Variants in ADGRB2 observed in about 807,000 individuals in gnomAD.
The protein encoded by ADGRB2 is brain-specific angiogenesis inhibitor 2.
ADGRB2 carries 47 observed loss-of-function variants against 178.7 expected under a neutral mutation model. The ratio of observed to expected loss-of-function variants is 0.26; its 90% confidence interval spans 0.21 to 0.34. ADGRB2 has a LOEUF of 0.34. Among genes scored for constraint, ADGRB2 ranks in the 10% least tolerant of loss-of-function variants. ADGRB2 has a pLI of 1.00. For synonymous variants in ADGRB2, 870 were observed against 912.4 expected (o/e 0.95, Z 0.84); for missense variants, 1,584 against 2,180.8 (o/e 0.73, Z 5.45).
In ADGRB2 at chr1:31,740,890, C is replaced by CGT; in HGVS notation, c.1795-350_1795-349insAC. Among the ~76,000 whole-genome samples the CGT allele has an allele frequency of 1.2e-5, 1 of 81,034 alleles. No individual in the cohort carries two copies. The highest frequency in any genetic ancestry group is 2.8e-5 in the Non-Finnish European group (1 of 35,636). 53.2% of individuals were successfully genotyped at this position (81,034 alleles called of 152,430 possible). A position where few individuals can be genotyped will look rare whatever the true frequency, so the allele number is the denominator to read the frequency against. ...AGTGTAATGAGCATGTGTGTGGGCG[C>CGT]GCGCGCACACACACACACACACACA... On this transcript the variant is annotated intron_variant, in intron 11 of 32. Transcript: ENST00000373658. This position sits in a 1 kb window ranked among gnomAD's most constrained non-coding sequence, Gnocchi z 5.9.
rs1275958756 is a variant in ADGRB2, at chr1:31,735,321, C to T, written c.3354-40G>A. 2.8e-6 allele frequency: 4 copies of T among 1,432,544 alleles called. No individual in the cohort carries two copies. The African/African-American group carries it at 4.2e-5, about 15-fold the overall frequency. The allele number at this position is 1,432,544 out of a possible 1,614,324, so 88.7% of individuals were successfully genotyped here. ...AGACATGGGAGAAGGAGGGGAAACA[C>T]ATGGGAAGCCGGGAGATGGGGCAGA... On this transcript the variant is annotated intron_variant, in intron 24 of 32. Transcript: ENST00000373658. This position sits in a 1 kb window ranked among gnomAD's most constrained non-coding sequence, Gnocchi z 6.0.
intron 4 of ADGRB2, among the ~76,000 whole-genome samples, chr1:31,752,584 G>T (rs563477585): frequency 6.6e-6 from 1 of 152,326 alleles, no homozygotes; most frequent in Admixed American, 6.5e-5. Flanking sequence ...CTTGAGCAGT[G>T]CTTAGAAGGA....
At chr1:31,742,771 C>T (rs1569919494) in intron 7 of ADGRB2, 67 bp downstream of exon 7, 3 of 1,369,426 alleles carry the variant, frequency 2.2e-6, no homozygotes, top group African/African-American at 1.5e-5. Context: ...CTGACTGCCT[C>T]CCCAGGTCTC....
chr1:31,739,781 T>A, intron 14 of ADGRB2, 145 bp downstream of exon 14: 1 of 1,189,844 alleles, frequency 8.4e-7, no homozygotes. Flanking sequence ...GAGACAGACA[T>A]ACACAGAGAA....
rs761411562 is a variant in ADGRB2, at chr1:31,741,764, T to A, written c.1585+36A>T. The A allele has an allele frequency of 1.9e-6, 3 of 1,600,388 alleles. No homozygotes were observed. The highest frequency in any genetic ancestry group is 2.6e-6 in the Non-Finnish European group (3 of 1,170,326). On this transcript the variant is annotated intron_variant, in intron 9 of 32. Coordinates refer to ENST00000373658, the MANE Select transcript of ADGRB2 (RefSeq NM_001364857.2). The surrounding 1 kb of genome is among the most constrained non-coding windows in gnomAD (Gnocchi z 6.5). ...GGTAAGGTTCAGCTGGGTCCACACA[T>A]GGGGCCCCCAGCCCCCAGGGTCATT...
Position 31,740,737 on chromosome 1 carries a change from G to C in ADGRB2, c.1795-196C>G, listed in dbSNP as rs929718429. Among the ~76,000 whole-genome samples, 2 of 151,832 alleles carry C rather than the reference G, an allele frequency of 1.3e-5. No individual in the cohort carries two copies. Among genetic ancestry groups the C allele is most frequent in the East Asian group, 1.9e-4 (1 of 5,168 alleles). ...CATAGAGAGAGAGAGAATCCCAAAGGGTACTTTAAAAAAGACTGAAATAGA... is the reference window on the plus strand; with the variant it reads ...CATAGAGAGAGAGAGAATCCCAAAGCGTACTTTAAAAAAGACTGAAATAGA... On this transcript the variant is annotated intron_variant, in intron 11 of 32. Coordinates refer to ENST00000373658, the MANE Select transcript of ADGRB2 (RefSeq NM_001364857.2). The surrounding 1 kb of genome is among the most constrained non-coding windows in gnomAD (Gnocchi z 5.9).
rs747895465 is a variant in ADGRB2 at position 31,740,564 on chromosome 1, A to G, written c.1795-23T>C. On this transcript the variant is annotated intron_variant, in intron 11 of 32. Transcript: ENST00000373658. The surrounding 1 kb of genome is among the most constrained non-coding windows in gnomAD (Gnocchi z 5.9). ...AAGCTGTAGGTGATGAGGGGGCCAC[A>G]GTCACTGAAGTGTCAGGAGCTGGAA... 4.5e-6 allele frequency: 7 copies of G among 1,563,622 alleles called. No homozygotes were observed. The highest frequency in any genetic ancestry group is 6.1e-6 in the Non-Finnish European group (7 of 1,153,356).
intron 18 of ADGRB2, among the ~76,000 whole-genome samples, chr1:31,737,961 A>G (rs998043539): frequency 6.6e-6 from 1 of 152,068 alleles, no homozygotes; most frequent in African/African-American, 2.4e-5. Flanking sequence ...TTCTACACAC[A>G]ACCAGACACA....
Position 31,758,182 on chromosome 1 carries a change from G to C in ADGRB2, c.-190-671C>G, listed in dbSNP as rs548629099. On this transcript the variant is annotated intron_variant, in intron 1 of 32. Coordinates refer to ENST00000373658, the MANE Select transcript of ADGRB2 (RefSeq NM_001364857.2). The surrounding 1 kb of genome is among the most constrained non-coding windows in gnomAD (Gnocchi z 4.2). ...ATGCCACAGGATAGCTCACAGCACTGCATGGGCCCCCTAGAGCCCAGCTGG... is the reference window on the plus strand; with the variant it reads ...ATGCCACAGGATAGCTCACAGCACTCCATGGGCCCCCTAGAGCCCAGCTGG... Among the ~76,000 whole-genome samples the C allele has an allele frequency of 6.6e-6, 1 of 152,344 alleles. No homozygotes were observed. The highest frequency in any genetic ancestry group is 6.5e-5 in the Admixed American group (1 of 15,304).
Position 31,764,193 on chromosome 1 carries a change from G to T in ADGRB2, c.-500C>A. The T allele has an allele frequency of 2.8e-6, 1 of 358,646 alleles. No homozygotes were observed. The allele number at this position is 358,646 out of a possible 1,614,324, so 22.2% of individuals were successfully genotyped here. On this transcript the variant is annotated 5_prime_UTR_variant, in exon 1 of 33. Coordinates refer to ENST00000373658, the MANE Select transcript of ADGRB2 (RefSeq NM_001364857.2). The surrounding 1 kb of genome is among the most constrained non-coding windows in gnomAD (Gnocchi z 7.3). ...CCGAGCACCGCCCGCGCCGCGCGCC[G>T]CCTCCTATTTGCGGGCGGCGGCCGC...
In ADGRB2 at chr1:31,736,331, T is replaced by C; in HGVS notation, c.3190A>G (p.Thr1064Ala). 6.2e-7 allele frequency: 1 copy of C among 1,614,038 alleles called. No homozygotes were observed. The highest frequency in any genetic ancestry group is 8.5e-7 in the Non-Finnish European group (1 of 1,179,972). Residue 1064 changes from threonine (T) to alanine (A), a missense_variant, in exon 22 of 33, where the codon ACA becomes GCA. Physicochemically the swap from Thr to Ala is moderately conservative, Grantham distance 58 (BLOSUM62 0). Around this residue, in one of 3 missense-constraint regions of ADGRB2, gnomAD observed 865 missense variants for 1,192.8 expected, o/e 0.73. Coordinates refer to ENST00000373658, the MANE Select transcript of ADGRB2 (RefSeq NM_001364857.2). Reference protein sequence around the residue: ...VGFTRTKGYGTSSYCWLSLEG... With the variant: ...VGFTRTKGYGASSYCWLSLEG... ...GGGAGGCCCACGTACTAGCTGGATG[T>C]ACCGTATCCTTTCGTTCGGGTAAAG...
rs1185472886 is a variant in ADGRB2 at position 31,733,594 on chromosome 1, G to T, written c.3453-451C>A. Among the ~76,000 whole-genome samples, 1 of 152,174 alleles carries T rather than the reference G, an allele frequency of 6.6e-6. No homozygotes were observed. Among genetic ancestry groups the T allele is most frequent in the Non-Finnish European group, 1.5e-5 (1 of 68,036 alleles). On this transcript the variant is annotated intron_variant, in intron 25 of 32. Coordinates refer to ENST00000373658, the MANE Select transcript of ADGRB2 (RefSeq NM_001364857.2). The surrounding 1 kb of genome is among the most constrained non-coding windows in gnomAD (Gnocchi z 4.3). ...CCACAGTGAGAGAACGCATGCGACA[G>T]AGACACCCAGACAGAAAGATTAAAC...
chr1:31,728,236 C>A lies in ADGRB2; in HGVS notation c.4461G>T (p.Glu1487Asp), dbSNP rs1341588850. The change falls in exon 31 of 33, where the codon GAG becomes GAT. Residue 1487 changes from glutamate to aspartate, a missense_variant. Glu to Asp is a conservative substitution (Grantham distance 45). Transcript: ENST00000373658. The surrounding 1 kb of genome is among the most constrained non-coding windows in gnomAD (Gnocchi z 6.7). ...CGAAAGTGTGGAACTTCTGGTTGAG[C>A]TCGTGGTAGAGTTCTGAATGCCGTT... ...TRKRHSELYH[E>D]LNQKFHTFDR... 6.2e-7 allele frequency: 1 copy of A among 1,614,058 alleles called. No homozygotes were observed. The highest frequency in any genetic ancestry group is 1.3e-5 in the African/African-American group (1 of 74,944).
At chr1:31,737,406 C>A (rs1645676531) in intron 20 of ADGRB2, 23 bp downstream of exon 20, 2 of 1,599,512 alleles carry the variant, frequency 1.3e-6, no homozygotes, top group South Asian at 1.1e-5. Flanking sequence ...ACACCCCTGG[C>A]AGCCCTGGAA....
At chr1:31,763,631 C>T (rs2149082807) in intron 1 of ADGRB2, among the ~76,000 whole-genome samples, 1 of 97,954 alleles carries the variant, frequency 1.0e-5, no homozygotes, top group Admixed American at 1.3e-4. Flanking sequence ...GTAAGAGGGT[C>T]GGTCCAGGCT....
rs1645414421 is a variant in ADGRB2 at position 31,733,623 on chromosome 1, C to G, written c.3453-480G>C. Reference sequence around the variant, plus strand: ...CACCCAGACAGAAAGATTAAACAGGCAGAGCACGCGGGGGACATCCAGAGC... The same window carrying G: ...CACCCAGACAGAAAGATTAAACAGGGAGAGCACGCGGGGGACATCCAGAGC... On this transcript the variant is annotated intron_variant, in intron 25 of 32. Coordinates refer to ENST00000373658, the MANE Select transcript of ADGRB2 (RefSeq NM_001364857.2). This position sits in a 1 kb window ranked among gnomAD's most constrained non-coding sequence, Gnocchi z 4.3. 6.6e-6 allele frequency among the ~76,000 whole-genome samples: 1 copy of G among 152,128 alleles called. No homozygotes were observed.
rs778722973 is a variant in ADGRB2, at chr1:31,736,707, G to A, written c.2996C>T (p.Thr999Met). ...AAAGAAGAAGTGCAGGAAGGCAGCCGTCATGGTGCACACGCCCTGCAGGGA... is the reference window on the plus strand; with the variant it reads ...AAAGAAGAAGTGCAGGAAGGCAGCCATCATGGTGCACACGCCCTGCAGGGA... ...RVLSKGVCTM[T>M]AAFLHFFFLS... is the part of the protein sequence containing the mutation. The change falls in exon 21 of 33, where the codon ACG becomes ATG. Residue 999 changes from threonine (T) to methionine (M), a missense_variant. Physicochemically the swap from Thr to Met is moderately conservative, Grantham distance 81. Transcript: ENST00000373658. The A allele has an allele frequency of 1.2e-5, 20 of 1,613,858 alleles. No homozygotes were observed. The highest frequency in any genetic ancestry group is 5.0e-5 in the Admixed American group (3 of 60,000).
chr1:31,747,282 G>A (rs764817148), intron 4 of ADGRB2, among the ~76,000 whole-genome samples: 3 of 151,948 alleles, frequency 2.0e-5, no homozygotes, highest in East Asian at 1.9e-4. Flanking sequence ...TTCACTGCAC[G>A]TGCTCCCCAC....
chr1:31,738,448 G>A, intron 17 of ADGRB2, 122 bp from the exon 18 acceptor site: 1 of 1,535,760 alleles, frequency 6.5e-7, no homozygotes, highest in Non-Finnish European at 8.9e-7. Context: ...GCAACAGCAG[G>A]GAGTCCCAGG....
Sources: gnomAD v4.1 joint callset for allele counts (sites outside exome capture counted in the v4.1 genomes callset) on GRCh38, gnomAD v4.1.1 for gene constraint, gnomAD v4.1.1 regional missense constraint, Gnocchi (gnomAD v3.1) non-coding constraint, MANE v1.5 for transcripts, NCBI Gene and HGNC (gene_info 2026-07-23, HGNC 2026-07-21) for gene names.